Variants in LLGL1 observed in about 807,000 individuals in gnomAD.
LLGL1 encodes the protein lethal(2) giant larvae protein homolog 1.
LLGL1 carries 58 observed loss-of-function variants against 110.6 expected under a neutral mutation model. The observed-to-expected ratio is 0.52, with a 90% CI of 0.42 to 0.65. LLGL1 has a LOEUF of 0.65. LLGL1 is among the 30% of genes least tolerant of loss of function. The probability of loss-of-function intolerance (pLI) is 0.00; values close to 1 mark genes in which losing one functional copy is unlikely to be tolerated. For synonymous variants in LLGL1, 674 were observed against 607.2 expected (o/e 1.11, Z -1.62); for missense variants, 1,229 against 1,462.1 (o/e 0.84, Z 2.60).
rs773807433 is a variant in LLGL1 at position 18,235,478 on chromosome 17, C to T, written c.1293C>T (p.Pro431=). 4 of 1,614,092 alleles carry T rather than the reference C, an allele frequency of 2.5e-6. No homozygotes were observed. In the East Asian group the frequency reaches 8.9e-5, roughly 36 times the overall value. Residue 431 remains proline (P), a synonymous_variant, in exon 11 of 23, where the codon CCC becomes CCT. Transcript: ENST00000316843. ...CTGCCACCCCCTCCCAGAGCTGGCC[C>T]ATCACTGGGGGCCGAAACCTGGCCC... The part of the protein sequence containing the change: ...PQPVSSALSW[P]ITGGRNLAQE...
chr17:18,239,411 A>G (rs2047771711), intron 16 of LLGL1, among the ~76,000 whole-genome samples: 1 of 152,150 alleles, frequency 6.6e-6, no homozygotes, highest in South Asian at 2.1e-4. Flanking sequence ...AAACATACAC[A>G]AAAATAGAGA....
At position 18,244,737 on chromosome 17, in the gene LLGL1, G is replaced by GGGGGGGGGGGGGGGGGGGT. The variant is rs1567700364; in HGVS notation, c.*840_*841insGGGGGGGGGTGGGGGGGGG. 2.0e-5 allele frequency: 1 copy of GGGGGGGGGGGGGGGGGGGT among 51,210 alleles called. No individual in the cohort carries two copies. The allele number at this position is 51,210 out of a possible 1,614,324, so 3.2% of individuals were successfully genotyped here. ...GTGTGTCCGGCGGGGGGGGGGGGCA[G>GGGGGGGGGGGGGGGGGGGT]GGGGGGGGGTCAAGATGAGTTTCCC... On this transcript the variant is annotated 3_prime_UTR_variant, in exon 23 of 23. Coordinates refer to ENST00000316843, the MANE Select transcript of LLGL1 (RefSeq NM_004140.4).
At chr17:18,229,840 CA>C in intron 1 of LLGL1, 100 bp from the exon 2 acceptor site, 1 of 734,636 alleles carries the variant, frequency 1.4e-6, no homozygotes, top group Non-Finnish European at 2.3e-6. Context: ...CCCAGTGTGT[CA>C]GCTGCAGACC....
Position 18,237,684 on chromosome 17 carries a change from A to T in LLGL1, c.1815A>T (p.Thr605=). 1 of 1,612,488 alleles carries T rather than the reference A, an allele frequency of 6.2e-7. No homozygotes were observed. Among genetic ancestry groups the T allele is most frequent in the Non-Finnish European group, 8.5e-7 (1 of 1,179,890 alleles). ...CLPPAAVTAV[T]LHTEWSLVAF... ...CGCCAGCTGCTGTAACCGCTGTCAC[A>T]CTCCACACCGAGTGGAGCCTCGTGG... Residue 605 remains threonine (T), a synonymous_variant, in exon 14 of 23, where the codon ACA becomes ACT. Coordinates refer to ENST00000316843, the MANE Select transcript of LLGL1 (RefSeq NM_004140.4).
rs1329518274 is a variant in LLGL1, at chr17:18,244,405, C to CTAAT, written c.*501_*504dup. On this transcript the variant is annotated 3_prime_UTR_variant, in exon 23 of 23. Coordinates refer to ENST00000316843, the MANE Select transcript of LLGL1 (RefSeq NM_004140.4). Reference sequence around the variant, plus strand: ...TACAGGCGCCCACCACCACGCCCAGCTAATTTTTTCTGTATTTTTAGTAGA... The same window carrying CTAAT: ...TACAGGCGCCCACCACCACGCCCAGCTAATTAATTTTTTCTGTATTTTTAGTAGA... 1 of 151,978 alleles carries CTAAT rather than the reference C, an allele frequency of 6.6e-6. No homozygotes were observed. The highest frequency in any genetic ancestry group is 1.9e-4 in the East Asian group (1 of 5,178). The allele number at this position is 151,978 out of a possible 1,614,324, so 9.4% of individuals were successfully genotyped here. A position where few individuals can be genotyped will look rare whatever the true frequency, so the allele number is the denominator to read the frequency against.
At chr17:18,242,107 C>T in intron 19 of LLGL1, 59 bp from the exon 20 acceptor site, 2 of 1,547,706 alleles carry the variant, frequency 1.3e-6, no homozygotes, top group Non-Finnish European at 1.8e-6. Context: ...GGGCAAGGAT[C>T]TAGCGTGCCA....
Position 18,242,592 on chromosome 17 carries a change from G to T in LLGL1, c.3080G>T (p.Gly1027Val). ...GCTGACACCACGCTGGACACGACAG[G>T]GGACGTCACAGTGGAAGATGTGAAG... ...TSADTTLDTT[G>V]DVTVEDVKDF... Residue 1027 changes from glycine to valine, a missense_variant, in exon 21 of 23, where the codon GGG becomes GTG. Coordinates refer to ENST00000316843, the MANE Select transcript of LLGL1 (RefSeq NM_004140.4). 6.2e-7 allele frequency: 1 copy of T among 1,613,954 alleles called. No homozygotes were observed.
chr17:18,243,454 G>C (rs529485718), intron 22 of LLGL1, among the ~76,000 whole-genome samples: 9 of 152,372 alleles, frequency 5.9e-5, no homozygotes, highest in African/African-American at 2.2e-4. Context: ...TTTGGGGCTT[G>C]GGAGCTGGTT....
intron 13 of LLGL1, 160 bp downstream of exon 13, chr17:18,237,099 G>A (rs1359925563): frequency 6.2e-6 from 4 of 646,238 alleles, no homozygotes; most frequent in South Asian, 1.9e-5. Flanking sequence ...CAGATGGGAA[G>A]TGGGCCTGTC....
At position 18,225,638 on chromosome 17, in the gene LLGL1, C is replaced by T. The variant is rs1306435320; in HGVS notation, c.-45C>T. 1.8e-5 allele frequency: 17 copies of T among 935,384 alleles called. No individual in the cohort carries two copies. The highest frequency in any genetic ancestry group is 6.4e-5 in the Admixed American group (1 of 15,708). The allele number at this position is 935,384 out of a possible 1,614,324, so 57.9% of individuals were successfully genotyped here. A position where few individuals can be genotyped will look rare whatever the true frequency, so the allele number is the denominator to read the frequency against. On this transcript the variant is annotated 5_prime_UTR_variant, in exon 1 of 23. Coordinates refer to ENST00000316843, the MANE Select transcript of LLGL1 (RefSeq NM_004140.4). Reference sequence around the variant, plus strand: ...GACCCGCGGGGCCGCGCGGCGCATCCTGCGGGCGGCGGCGGCGGGCGAGGC... The same window carrying T: ...GACCCGCGGGGCCGCGCGGCGCATCTTGCGGGCGGCGGCGGCGGGCGAGGC...
chr17:18,237,645 G>A lies in LLGL1; in HGVS notation c.1776G>A (p.Leu592=). Residue 592 remains leucine, a synonymous_variant, in exon 14 of 23, where the codon CTG becomes CTA. Transcript: ENST00000316843. ...CTGCTGGCTTCCAGCCCCGTGTCCT[G>A]GTGCAGTGCCTGCCGCCAGCTGCTG... The part of the protein sequence containing the change: ...PWPAGFQPRV[L]VQCLPPAAVT... 1 of 1,612,086 alleles carries A rather than the reference G, an allele frequency of 6.2e-7. No individual in the cohort carries two copies. The highest frequency in any genetic ancestry group is 8.5e-7 in the Non-Finnish European group (1 of 1,179,962).
At position 18,234,085 on chromosome 17, in the gene LLGL1, C is replaced by T. The variant is rs772398044; in HGVS notation, c.624C>T (p.Pro208=). 2.5e-6 allele frequency: 4 copies of T among 1,611,906 alleles called. No individual in the cohort carries two copies. The Admixed American group carries it at 5.0e-5, about 20-fold the overall frequency. ...VESLQGHLRD[P]TKILIGYSRG... ...CACTCCAGGGACACCTGCGGGACCC[C>T]ACAAAGATTCTCATTGGCTACAGCC... is the stretch of plus-strand genomic sequence containing the variant. Residue 208 remains proline (P), a synonymous_variant, in exon 6 of 23, where the codon CCC becomes CCT. Coordinates refer to ENST00000316843, the MANE Select transcript of LLGL1 (RefSeq NM_004140.4).
Position 18,229,986 on chromosome 17 carries a change from G to T in LLGL1, c.127G>T (p.Asp43Tyr). 1 of 1,612,256 alleles carries T rather than the reference G, an allele frequency of 6.2e-7. No individual in the cohort carries two copies. The highest frequency in any genetic ancestry group is 8.5e-7 in the Non-Finnish European group (1 of 1,179,772). The stretch of plus-strand genomic sequence containing the variant: ...CAATCAGCCCAGCGCCCTGGCCTTC[G>T]ACCCGGAACTTCGCATCATGGCCAT... The part of the protein sequence containing the change: ...FPNQPSALAF[D>Y]PELRIMAIGT... The change falls in exon 2 of 23, where the codon GAC (aspartate) becomes TAC (tyrosine). Residue 43 changes from aspartate (D) to tyrosine (Y), a missense_variant. By Grantham distance (160) the Asp-to-Tyr change is radical. Transcript: ENST00000316843.
At chr17:18,231,229 T>A (rs549609694) in intron 2 of LLGL1, among the ~76,000 whole-genome samples, 2 of 152,230 alleles carry the variant, frequency 1.3e-5, no homozygotes, top group Admixed American at 6.5e-5. Context: ...GTTGGGAAAC[T>A]GAGGCTGGAG....
In LLGL1 at chr17:18,236,591, T is replaced by C; in HGVS notation, c.1353-16T>C. ...CCCAGGAACTCGGGTAGCCCTGACA[T>C]CTGCCCTCCCTGCAGCCATGAGGAC... On this transcript the variant is annotated splice_polypyrimidine_tract_variant and intron_variant, in intron 11 of 22. Coordinates refer to ENST00000316843, the MANE Select transcript of LLGL1 (RefSeq NM_004140.4). 1 of 1,601,012 alleles carries C rather than the reference T, an allele frequency of 6.2e-7. No individual in the cohort carries two copies. The highest frequency in any genetic ancestry group is 8.5e-7 in the Non-Finnish European group (1 of 1,171,620).
chr17:18,227,451 A>G (rs1239534252), intron 1 of LLGL1, among the ~76,000 whole-genome samples: 1 of 151,734 alleles, frequency 6.6e-6, no homozygotes, highest in African/African-American at 2.4e-5. Context: ...GCAGTGGCAC[A>G]ATCACAGTCC....
intron 1 of LLGL1, among the ~76,000 whole-genome samples, chr17:18,227,143 G>A (rs1262753704): frequency 5.3e-5 from 8 of 152,162 alleles, no homozygotes; most frequent in Non-Finnish European, 1.2e-4. Flanking sequence ...GGCTGGACCT[G>A]GAGTAGTGGA....
At chr17:18,242,412 C>A in intron 20 of LLGL1, 96 bp from the exon 21 acceptor site, 1 of 1,573,484 alleles carries the variant, frequency 6.4e-7, no homozygotes, top group Admixed American at 1.7e-5. Context: ...GGTGCCACCC[C>A]TCACCATGGG....
chr17:18,238,468 AATGCAC>A lies in LLGL1; in HGVS notation c.2067_2072del (p.Asn689_Gln691delinsLys). ...CCCCGCCCGGCAGTTGCAGGAAGCC[AATGCAC>A]AGCTGGCTGAGCAGGCCTGCCCCCA... is the stretch of plus-strand genomic sequence containing the variant. On this transcript the variant is annotated inframe_deletion, in exon 16 of 23. Transcript: ENST00000316843. 6.2e-7 allele frequency: 1 copy of A among 1,610,514 alleles called. No homozygotes were observed. Among genetic ancestry groups the A allele is most frequent in the South Asian group, 1.1e-5 (1 of 90,966 alleles).
Sources: allele counts gnomAD v4.1 joint callset (sites outside exome capture counted in the v4.1 genomes callset), GRCh38; gene constraint gnomAD v4.1.1; transcripts MANE v1.5; gene names NCBI Gene and HGNC (gene_info 2026-07-23, HGNC 2026-07-21).